The following AFF3 variants were observed in gnomAD, a reference collection of about 807,000 sequenced individuals.
The protein encoded by AFF3 is AF4/FMR2 family member 3.
A neutral mutation model predicts 129.7 loss-of-function variants in AFF3; 32 were observed. The ratio of observed to expected loss-of-function variants is 0.25; its 90% CI spans 0.19 to 0.33. The LOEUF is 0.33. AFF3 is among the 10% of genes least tolerant of loss of function. The pLI is 1.00. For missense variants in AFF3, 1,373 were observed against 1,592.0 expected (o/e 0.86, Z 2.34); for synonymous variants, 644 against 635.4 (o/e 1.01, Z -0.20).
intron 4 of AFF3, among the ~76,000 whole-genome samples, chr2:100,025,012 G>A (rs760969072): frequency 3.9e-5 from 6 of 151,982 alleles, no homozygotes; most frequent in Admixed American, 6.6e-5. Context: ...TAAAAATATC[G>A]ACAGTGTAAG....
intron 7 of AFF3, among the ~76,000 whole-genome samples, chr2:99,838,073 C>T (rs893792873): frequency 1.1e-4 from 16 of 152,174 alleles, no homozygotes; most frequent in Non-Finnish European, 2.1e-4. Context: ...GCATGTGGGG[C>T]GTCACGCTCA....
intron 11 of AFF3, among the ~76,000 whole-genome samples, chr2:99,695,476 G>T (rs1010006198): frequency 4.6e-5 from 7 of 152,058 alleles, no homozygotes; most frequent in African/African-American, 1.7e-4. Context: ...CTTTTTAGTC[G>T]GGTCTCTTGA....
intron 4 of AFF3, among the ~76,000 whole-genome samples, chr2:100,017,825 G>T (rs575041633): frequency 6.6e-6 from 1 of 152,314 alleles, no homozygotes; most frequent in Admixed American, 6.5e-5. Context: ...AAGCCAGGCA[G>T]TCTGGCACCA....
At chr2:99,963,067 T>C (rs1677391123) in intron 7 of AFF3, among the ~76,000 whole-genome samples, 1 of 151,910 alleles carries the variant, frequency 6.6e-6, no homozygotes, top group African/African-American at 2.4e-5. Context: ...GCATTACCTC[T>C]AGGGGAGTAA....
At chr2:99,713,225 T>G (rs2104883903) in intron 11 of AFF3, among the ~76,000 whole-genome samples, 1 of 152,130 alleles carries the variant, frequency 6.6e-6, no homozygotes, top group Admixed American at 6.5e-5. Context: ...TTGAAAATGG[T>G]TAAGATGGTA....
intron 13 of AFF3, among the ~76,000 whole-genome samples, chr2:99,610,262 T>C (rs948823681): frequency 6.6e-6 from 1 of 152,196 alleles, no homozygotes; most frequent in Non-Finnish European, 1.5e-5. Context: ...GACACCCTTT[T>C]AGGAGCATTC....
intron 12 of AFF3, among the ~76,000 whole-genome samples, chr2:99,660,175 A>G (rs754264986): frequency 2.0e-5 from 3 of 152,152 alleles, no homozygotes; most frequent in African/African-American, 4.8e-5. Context: ...TCCACTTTCC[A>G]CTGGCCTTGG....
intron 7 of AFF3, among the ~76,000 whole-genome samples, chr2:99,925,097 C>T (rs933565807): frequency 2.0e-5 from 3 of 151,924 alleles, no homozygotes; most frequent in South Asian, 2.1e-4. Context: ...AGGATGGTCT[C>T]GAACTCCTGG....
chr2:99,632,455 A>G (rs1233274995), intron 13 of AFF3, among the ~76,000 whole-genome samples: 1 of 152,114 alleles, frequency 6.6e-6, no homozygotes, highest in Non-Finnish European at 1.5e-5. Context: ...ACCACCTGTA[A>G]TTATACAGAG....
In AFF3 at chr2:99,593,282, G is replaced by A. The variant is rs752197822; in HGVS notation, c.2379C>T (p.Ala793=). 6.2e-7 allele frequency: 1 copy of A among 1,613,898 alleles called. No individual in the cohort carries two copies. Among genetic ancestry groups the A allele is most frequent in the Non-Finnish European group, 8.5e-7 (1 of 1,179,860 alleles). The change falls in exon 15 of 25, where the codon GCC becomes GCT. Residue 793 remains alanine (A), a synonymous_variant. Coordinates refer to ENST00000672756, the MANE Select transcript of AFF3 (RefSeq NM_001386135.1). ...PQEPGVLSAP[A]TKDSESAPPS... ...GCGGTGCGCTCTCAGAGTCCTTGGT[G>A]GCAGGGGCGCTCAATACCCCTGGCT...
Position 99,593,345 on chromosome 2 carries a change from C to T in AFF3, c.2316G>A (p.Leu772=), listed in dbSNP as rs773555237. ...GTTCTGGGATCCTGGACAGGAGGGTCAGGTCGATTTTGACCCAGAGAGACC... is the reference window on the plus strand; with the variant it reads ...GTTCTGGGATCCTGGACAGGAGGGTTAGGTCGATTTTGACCCAGAGAGACC... ...EIRSLWVKID[L]TLLSRIPEHL... Residue 772 remains leucine, a synonymous_variant, in exon 15 of 25, where the codon CTG becomes CTA. Transcript: ENST00000672756. 5 of 1,614,038 alleles carry T rather than the reference C, an allele frequency of 3.1e-6. No homozygotes were observed. The South Asian group carries it at 3.3e-5, about 11-fold the overall frequency.
At chr2:99,765,419 G>A (rs925210803) in intron 8 of AFF3, among the ~76,000 whole-genome samples, 1 of 152,224 alleles carries the variant, frequency 6.6e-6, no homozygotes, top group Admixed American at 6.5e-5. Flanking sequence ...TTGCAGAGAA[G>A]CAGAGGGTAG....
At chr2:99,561,267 G>A (rs534379977) in intron 20 of AFF3, among the ~76,000 whole-genome samples, 94 of 152,302 alleles carry the variant, frequency 6.2e-4, no homozygotes, top group African/African-American at 2.2e-3. Flanking sequence ...CGTTTGTAAA[G>A]CTCTTGGGAT....
intron 4 of AFF3, among the ~76,000 whole-genome samples, chr2:100,041,889 T>C (rs1685461961): frequency 6.6e-6 from 1 of 152,216 alleles, no homozygotes; most frequent in African/African-American, 2.4e-5. Flanking sequence ...CTTTCAATAC[T>C]ACTATCACAA....
chr2:99,817,282 C>G (rs1406019729), intron 8 of AFF3, among the ~76,000 whole-genome samples: 1 of 152,190 alleles, frequency 6.6e-6, no homozygotes, highest in Non-Finnish European at 1.5e-5. Flanking sequence ...CCATGTTCAG[C>G]CTTTAGCAAT....
At chr2:100,046,209 C>T (rs912344907) in intron 4 of AFF3, among the ~76,000 whole-genome samples, 1 of 152,126 alleles carries the variant, frequency 6.6e-6, no homozygotes, top group African/African-American at 2.4e-5. Flanking sequence ...CTGATAACAG[C>T]TAATGTTTAC....
chr2:99,683,105 C>T (rs1382903138), intron 11 of AFF3, among the ~76,000 whole-genome samples: 4 of 152,046 alleles, frequency 2.6e-5, no homozygotes, highest in African/African-American at 9.7e-5. Context: ...AGAGTGGTTT[C>T]TCTTCTCCAG....
intron 2 of AFF3, among the ~76,000 whole-genome samples, chr2:100,121,486 C>T (rs1215829945): frequency 6.6e-6 from 1 of 152,200 alleles, no homozygotes; most frequent in African/African-American, 2.4e-5. Flanking sequence ...AATAAACTAG[C>T]TCTGTACACT....
At chr2:99,761,282 A>G (rs1478403745) in intron 8 of AFF3, among the ~76,000 whole-genome samples, 2 of 151,934 alleles carry the variant, frequency 1.3e-5, no homozygotes, top group Non-Finnish European at 2.9e-5. Context: ...GTTAAATGAT[A>G]AGGACACAGA....
Sources: gnomAD v4.1 joint callset for allele counts (sites outside exome capture counted in the v4.1 genomes callset) on GRCh38, gnomAD v4.1.1 for gene constraint, MANE v1.5 for transcripts, NCBI Gene and HGNC (gene_info 2026-07-23, HGNC 2026-07-21) for gene names.